ADGRG7: variants seen among roughly 807,000 people sequenced by gnomAD.
The protein encoded by ADGRG7 is adhesion G protein-coupled receptor G7.
In ADGRG7, 82 loss-of-function variants were observed where a neutral mutation model predicts 88.6. That is an observed-to-expected ratio of 0.93 (90% CI 0.77 to 1.11). The LOEUF (loss-of-function observed/expected upper bound fraction) is 1.11. ADGRG7 is among the 50% of genes most tolerant of loss of function. The probability of loss-of-function intolerance (pLI) is 0.00; values close to 1 mark genes in which losing one functional copy is unlikely to be tolerated. For synonymous variants in ADGRG7, 381 were observed against 345.2 expected, an observed-to-expected ratio of 1.10 and a Z score of -1.15; for missense variants, 945 against 953.4, an observed-to-expected ratio of 0.99 and a Z score of 0.12.
At chr3:100,672,195 A>C (rs1012045849) in intron 15 of ADGRG7, among the ~76,000 whole-genome samples, 3 of 152,204 alleles carry the variant, frequency 2.0e-5, no homozygotes, top group Admixed American at 6.5e-5. Context: ...TGAGCATGGA[A>C]TGTTTTTCCA....
intron 6 of ADGRG7, among the ~76,000 whole-genome samples, chr3:100,642,635 C>T (rs1421484241): frequency 5.3e-5 from 8 of 152,178 alleles, no homozygotes; most frequent in African/African-American, 1.9e-4. Flanking sequence ...TATGACTTTT[C>T]TTTGGAGAAT....
chr3:100,631,912 A>G (rs1189115195), intron 3 of ADGRG7, among the ~76,000 whole-genome samples: 1 of 152,146 alleles, frequency 6.6e-6, no homozygotes, highest in Non-Finnish European at 1.5e-5. Flanking sequence ...CATATCAGTC[A>G]TGCTTACTCA....
rs199513074 is a variant in ADGRG7 at position 100,645,974 on chromosome 3, T to C, written c.976T>C (p.Tyr326His). 1.7e-5 allele frequency: 28 copies of C among 1,613,848 alleles called. No homozygotes were observed. The highest frequency in any genetic ancestry group is 2.4e-5 in the Non-Finnish European group (28 of 1,179,910). The change falls in exon 9 of 16, where the codon TAT (tyrosine) becomes CAT (histidine). Residue 326 changes from tyrosine to histidine, a missense_variant. Coordinates refer to ENST00000273352, the MANE Select transcript of ADGRG7 (RefSeq NM_032787.3). ...CACCAAGACATGCGGCTTTGTAGTT[T>C]ATCAAAATGACAAGCTTTTCCAATC... ...NYTKTCGFVV[Y>H]QNDKLFQSKT...
At chr3:100,637,466 G>C in intron 6 of ADGRG7, 64 bp downstream of exon 6, 1 of 1,042,866 alleles carries the variant, frequency 9.6e-7, no homozygotes, top group South Asian at 1.3e-5. Context: ...CTAGGCTAAA[G>C]TATTAACAGA....
At chr3:100,633,620 G>T (rs1288143986) in intron 4 of ADGRG7, among the ~76,000 whole-genome samples, 1 of 152,102 alleles carries the variant, frequency 6.6e-6, no homozygotes, top group Non-Finnish European at 1.5e-5. Context: ...TGCCTCCCAG[G>T]TTGAAGCAAT....
At position 100,643,614 on chromosome 3, in the gene ADGRG7, C is replaced by T. The variant is rs199967459; in HGVS notation, c.927C>T (p.Val309=). Reference sequence around the variant, plus strand: ...CAGATGCACAGACTGAGCTTCAGGTCTTGCTTAATATGACGAAAAGTAAGT... The same window carrying T: ...CAGATGCACAGACTGAGCTTCAGGTTTTGCTTAATATGACGAAAAGTAAGT... The part of the protein sequence containing the change: ...LNPDAQTELQ[V]LLNMTKNYTK... The change falls in exon 8 of 16, where the codon GTC becomes GTT. Residue 309 remains valine (V), a synonymous_variant. Coordinates refer to ENST00000273352, the MANE Select transcript of ADGRG7 (RefSeq NM_032787.3). 2.5e-6 allele frequency: 4 copies of T among 1,612,718 alleles called. No homozygotes were observed. The highest frequency in any genetic ancestry group is 4.5e-5 in the East Asian group (2 of 44,856).
Position 100,643,417 on chromosome 3 carries a change from A to G in ADGRG7, c.838+12A>G. 6.2e-7 allele frequency: 1 copy of G among 1,613,688 alleles called. No individual in the cohort carries two copies. Among genetic ancestry groups the G allele is most frequent in the Admixed American group, 1.7e-5 (1 of 59,986 alleles). On this transcript the variant is annotated intron_variant, in intron 7 of 15. Transcript: ENST00000273352. ...CTCTGTGCAGAAAGGTGAGCTGTTA[A>G]TCTTATGTGCTTGTAACAGCAAAGA...
At chr3:100,664,582 AT>A in intron 14 of ADGRG7, among the ~76,000 whole-genome samples, 1 of 152,314 alleles carries the variant, frequency 6.6e-6, no homozygotes, top group East Asian at 1.9e-4. Flanking sequence ...ACAGTAAATT[AT>A]TCATGGCTCA....
At chr3:100,614,334 T>C (rs899291376) in intron 1 of ADGRG7, among the ~76,000 whole-genome samples, 1 of 152,222 alleles carries the variant, frequency 6.6e-6, no homozygotes, top group Non-Finnish European at 1.5e-5. Flanking sequence ...ATACTTATGC[T>C]ACACTGTACC....
intron 15 of ADGRG7, among the ~76,000 whole-genome samples, chr3:100,692,366 T>C (rs1399856775): frequency 6.6e-6 from 1 of 152,170 alleles, no homozygotes; most frequent in East Asian, 1.9e-4. Context: ...ATAAGTAGGG[T>C]AAGCCTCATC....
chr3:100,653,624 A>G (rs565056708), intron 11 of ADGRG7, among the ~76,000 whole-genome samples: 2 of 152,270 alleles, frequency 1.3e-5, no homozygotes, highest in East Asian at 3.9e-4. Context: ...TATTATTTCT[A>G]ATGATTTTGT....
intron 15 of ADGRG7, among the ~76,000 whole-genome samples, chr3:100,684,339 C>T (rs975517102): frequency 6.6e-6 from 1 of 151,656 alleles, no homozygotes. Context: ...TCACAGCTCA[C>T]TGCAGCCTCA....
intron 15 of ADGRG7, among the ~76,000 whole-genome samples, chr3:100,688,181 T>C (rs1576341201): frequency 6.6e-6 from 1 of 152,332 alleles, no homozygotes; most frequent in East Asian, 1.9e-4. Flanking sequence ...GTTTATAGTA[T>C]TCTCTGATGC....
At chr3:100,689,695 T>C (rs1263523583) in intron 15 of ADGRG7, among the ~76,000 whole-genome samples, 1 of 152,246 alleles carries the variant, frequency 6.6e-6, no homozygotes, top group Non-Finnish European at 1.5e-5. Flanking sequence ...GAATGTTGAA[T>C]ATTGGCCCCC....
rs1381073667 is a variant in ADGRG7 at position 100,691,165 on chromosome 3, G to C, written c.2137-3579G>C. Among the ~76,000 whole-genome samples the C allele has an allele frequency of 5.9e-5, 9 of 152,342 alleles. No individual in the cohort carries two copies. The South Asian group carries it at 1.9e-3, about 32-fold the overall frequency. Reference sequence around the variant, plus strand: ...CATGGGCGTAGGACCCTCCGACCCAGGTGCGAGATATAATCTCCTGGTGTG... The same window carrying C: ...CATGGGCGTAGGACCCTCCGACCCACGTGCGAGATATAATCTCCTGGTGTG... On this transcript the variant is annotated intron_variant, in intron 15 of 15. Transcript: ENST00000273352.
intron 15 of ADGRG7, among the ~76,000 whole-genome samples, chr3:100,683,215 C>T (rs993140540): frequency 6.6e-6 from 1 of 152,154 alleles, no homozygotes; most frequent in Admixed American, 6.5e-5. Flanking sequence ...AACTAGGGAC[C>T]CACCAGAACG....
chr3:100,689,946 C>A (rs1332607388), intron 15 of ADGRG7, among the ~76,000 whole-genome samples: 5 of 152,162 alleles, frequency 3.3e-5, no homozygotes, highest in African/African-American at 4.8e-5. Flanking sequence ...GGGAAGTTCT[C>A]CTGGATAATA....
chr3:100,652,243 G>A (rs1161823432), intron 11 of ADGRG7, among the ~76,000 whole-genome samples: 1 of 152,080 alleles, frequency 6.6e-6, no homozygotes, highest in Non-Finnish European at 1.5e-5. Context: ...TCAAGCAGAT[G>A]GACTGAGTTC....
At chr3:100,676,790 G>T (rs1366562997) in intron 15 of ADGRG7, among the ~76,000 whole-genome samples, 1 of 151,794 alleles carries the variant, frequency 6.6e-6, no homozygotes, top group African/African-American at 2.4e-5. Flanking sequence ...CCAGTATTGG[G>T]CATATATATA....
Sources: allele counts gnomAD v4.1 joint callset (sites outside exome capture counted in the v4.1 genomes callset), GRCh38; gene constraint gnomAD v4.1.1; transcripts MANE v1.5; gene names NCBI Gene and HGNC (gene_info 2026-07-23, HGNC 2026-07-21).